The following ROBO1 variants were observed in gnomAD, a reference collection of about 807,000 sequenced individuals.
ROBO1 encodes the protein roundabout guidance receptor 1.
A neutral mutation model predicts 195.9 loss-of-function variants in ROBO1; 149 were observed. The ratio of observed to expected loss-of-function variants is 0.76; its 90% confidence interval spans 0.67 to 0.87. ROBO1 has a LOEUF of 0.87. Ranked by LOEUF, ROBO1 falls within the 40% of genes least tolerant of loss-of-function variation. The pLI, the probability that ROBO1 is intolerant of heterozygous loss-of-function variation, is 0.00. For missense variants in ROBO1, 1,933 were observed against 2,068.3 expected, an observed-to-expected ratio of 0.93 and a Z score of 1.27; for synonymous variants, 816 against 733.2, an observed-to-expected ratio of 1.11 and a Z score of -1.82.
In ROBO1 at chr3:78,598,605, G is replaced by T. The variant is rs944107658; in HGVS notation, c.*308C>A. 13 of 253,210 alleles carry T rather than the reference G, an allele frequency of 5.1e-5. No homozygotes were observed. The highest frequency in any genetic ancestry group is 2.9e-4 in the African/African-American group (13 of 45,232). The allele number at this position is 253,210 out of a possible 1,614,324, so 15.7% of individuals were successfully genotyped here. ...CTCAGCGGCAAAATGCAAAAGAACAGTTTTGTTCCCTCTTGCTGGCTGATG... is the reference window on the plus strand; with the variant it reads ...CTCAGCGGCAAAATGCAAAAGAACATTTTTGTTCCCTCTTGCTGGCTGATG... On this transcript the variant is annotated 3_prime_UTR_variant, in exon 31 of 31. Transcript: ENST00000464233.
intron 1 of ROBO1, among the ~76,000 whole-genome samples, chr3:79,757,475 CTCTT>C (rs1232656101): frequency 2.0e-5 from 3 of 148,554 alleles, no homozygotes; most frequent in South Asian, 2.1e-4. Context: ...TACTTGCTCT[CTCTT>C]TCTTTCTTTC....
At chr3:78,937,065 T>TA (rs1357579465) in intron 4 of ROBO1, among the ~76,000 whole-genome samples, 1 of 152,114 alleles carries the variant, frequency 6.6e-6, no homozygotes, top group Non-Finnish European at 1.5e-5. Context: ...TAACACAGTT[T>TA]AAAATGGTTA....
intron 2 of ROBO1, among the ~76,000 whole-genome samples, chr3:79,244,045 A>T (rs1217525268): frequency 6.6e-6 from 1 of 152,168 alleles, no homozygotes; most frequent in Admixed American, 6.6e-5. Flanking sequence ...AGCTTTCTGC[A>T]TATGGCTAAC....
chr3:78,633,001 T>C (rs1255738812), intron 24 of ROBO1, among the ~76,000 whole-genome samples: 1 of 152,126 alleles, frequency 6.6e-6, no homozygotes, highest in Non-Finnish European at 1.5e-5. Flanking sequence ...ATTTCTAAGC[T>C]CCCTTAATTC....
At chr3:79,477,354 T>C (rs1938596940) in intron 2 of ROBO1, among the ~76,000 whole-genome samples, 1 of 152,318 alleles carries the variant, frequency 6.6e-6, no homozygotes, top group African/African-American at 2.4e-5. Flanking sequence ...AACCGTTGAA[T>C]CTGCTCTTTT....
intron 2 of ROBO1, among the ~76,000 whole-genome samples, chr3:79,147,679 T>C (rs138154761): frequency 1.3e-5 from 2 of 152,150 alleles, no homozygotes; most frequent in Non-Finnish European, 2.9e-5. Context: ...TATCATTTAT[T>C]ATACACAGTG....
At chr3:78,753,810 A>G (rs540078396) in intron 4 of ROBO1, among the ~76,000 whole-genome samples, 89 of 152,332 alleles carry the variant, frequency 5.8e-4, no homozygotes, top group African/African-American at 1.9e-3. Context: ...AGATCATTTT[A>G]AAATGTATCA....
At chr3:78,957,902 C>T (rs2041129660) in intron 3 of ROBO1, among the ~76,000 whole-genome samples, 1 of 152,006 alleles carries the variant, frequency 6.6e-6, no homozygotes, top group Admixed American at 6.6e-5. Context: ...TAATAATAAA[C>T]CCAATTACGT....
chr3:79,765,877 A>C (rs991553273), intron 1 of ROBO1, among the ~76,000 whole-genome samples: 1 of 152,120 alleles, frequency 6.6e-6, no homozygotes, highest in Non-Finnish European at 1.5e-5. Context: ...AGCAACCTCC[A>C]AATTAAACAA....
chr3:78,851,506 T>C (rs1011241660), intron 4 of ROBO1, among the ~76,000 whole-genome samples: 12 of 152,310 alleles, frequency 7.9e-5, no homozygotes, highest in Admixed American at 7.8e-4. Context: ...TTATACTCCA[T>C]GGAGAGCACT....
intron 2 of ROBO1, among the ~76,000 whole-genome samples, chr3:79,289,379 TGA>T (rs2109023073): frequency 6.6e-6 from 1 of 152,178 alleles, no homozygotes; most frequent in South Asian, 2.1e-4. Context: ...GTTTTATGTG[TGA>T]GAGAGAGGGA....
intron 4 of ROBO1, among the ~76,000 whole-genome samples, chr3:78,902,801 G>A (rs1202381335): frequency 6.6e-6 from 1 of 152,092 alleles, no homozygotes; most frequent in Non-Finnish European, 1.5e-5. Context: ...CCCAGATCGT[G>A]CCATTGCACT....
Position 79,728,240 on chromosome 3 carries a change from G to A in ROBO1, c.-51+39512C>T, listed in dbSNP as rs547505102. On this transcript the variant is annotated intron_variant, in intron 1 of 30. Transcript: ENST00000464233. ...CACTCTCTATGAAGTTGATATAAAT[G>A]AGCAGAAATTCCTTTAATCTTGAAA... Among the ~76,000 whole-genome samples, 113 of 151,336 alleles carry A rather than the reference G, an allele frequency of 7.5e-4. 1 individual carries two copies. The highest frequency in any genetic ancestry group is 4.0e-4 in the Admixed American group (6 of 15,154).
intron 3 of ROBO1, among the ~76,000 whole-genome samples, chr3:79,008,502 C>T (rs576512778): frequency 2.3e-4 from 35 of 151,692 alleles, no homozygotes; most frequent in African/African-American, 8.0e-4. Context: ...TATTATGCAG[C>T]ACGTACGTGT....
intron 3 of ROBO1, among the ~76,000 whole-genome samples, chr3:79,070,769 T>A (rs1468281810): frequency 6.6e-6 from 1 of 151,846 alleles, no homozygotes; most frequent in Non-Finnish European, 1.5e-5. Flanking sequence ...GCCATTATCT[T>A]TTAAAAAGTG....
At chr3:79,439,133 T>C (rs887026953) in intron 2 of ROBO1, among the ~76,000 whole-genome samples, 1 of 152,082 alleles carries the variant, frequency 6.6e-6, no homozygotes, top group African/African-American at 2.4e-5. Flanking sequence ...TAATATTTCA[T>C]CAATACTAAT....
chr3:79,456,281 T>A (rs1333040380), intron 2 of ROBO1, among the ~76,000 whole-genome samples: 1 of 152,180 alleles, frequency 6.6e-6, no homozygotes. Context: ...GATGAAATCT[T>A]AAGTATTTCT....
In ROBO1 at chr3:79,579,593, G is replaced by A. The variant is rs1943596775; in HGVS notation, c.88+10231C>T. On this transcript the variant is annotated intron_variant, in intron 2 of 30. Transcript: ENST00000464233. The stretch of plus-strand genomic sequence containing the variant: ...GTATCCTTAACTTACTGTGTCATGG[G>A]TTAATTGGCAGTTATATTCTTTTCT... Among the ~76,000 whole-genome samples the A allele has an allele frequency of 7.9e-5, 12 of 152,216 alleles. No homozygotes were observed. In the South Asian group the frequency reaches 2.5e-3, roughly 32 times the overall value.
At chr3:78,600,358 C>T in intron 29 of ROBO1, 49 bp from the exon 30 acceptor site, 2 of 1,185,734 alleles carry the variant, frequency 1.7e-6, no homozygotes, top group Non-Finnish European at 2.5e-6. Flanking sequence ...CATACACTTT[C>T]ACTGTATATT....
Sources: allele counts gnomAD v4.1 joint callset (sites outside exome capture counted in the v4.1 genomes callset), GRCh38; gene constraint gnomAD v4.1.1; transcripts MANE v1.5; gene names NCBI Gene and HGNC (gene_info 2026-07-23, HGNC 2026-07-21).